Variants in PTPRM observed in about 807,000 individuals in gnomAD.
The protein encoded by PTPRM is receptor-type tyrosine-protein phosphatase mu.
A neutral mutation model predicts 186.7 loss-of-function variants in PTPRM; 47 were observed. The observed-to-expected ratio is 0.25, with a 90% CI of 0.20 to 0.32. The LOEUF is 0.32. PTPRM is among the 10% of genes least tolerant of loss of function. The pLI is 1.00. For synonymous variants in PTPRM, 668 were observed against 674.9 expected, an observed-to-expected ratio of 0.99 and a Z score of 0.16; for missense variants, 1,494 against 1,865.0, an observed-to-expected ratio of 0.80 and a Z score of 3.66.
chr18:7,904,516 G>A (rs942968544), intron 3 of PTPRM, among the ~76,000 whole-genome samples: 2 of 152,150 alleles, frequency 1.3e-5, no homozygotes, highest in Non-Finnish European at 2.9e-5. Context: ...GAATCATAGA[G>A]TACATGATCT....
At chr18:8,164,095 T>G (rs914428485) in intron 14 of PTPRM, among the ~76,000 whole-genome samples, 1 of 152,176 alleles carries the variant, frequency 6.6e-6, no homozygotes, top group Non-Finnish European at 1.5e-5. Flanking sequence ...CTAAGAAGAA[T>G]AGAAGAAAAG....
intron 2 of PTPRM, among the ~76,000 whole-genome samples, chr18:7,800,239 A>G (rs79844174): frequency 0.032 from 4,902 of 152,224 alleles, 299 homozygotes; most frequent in African/African-American, 0.11. Context: ...GCGCTGCCCA[A>G]TGTCATTTTT....
intron 29 of PTPRM, among the ~76,000 whole-genome samples, chr18:8,383,876 G>T (rs1206300425): frequency 9.9e-5 from 15 of 152,204 alleles, no homozygotes; most frequent in Non-Finnish European, 8.8e-5. Flanking sequence ...TAGCCATCTT[G>T]AGTACCTTAC....
intron 1 of PTPRM, among the ~76,000 whole-genome samples, chr18:7,739,651 C>G (rs367790223): frequency 6.0e-4 from 91 of 152,282 alleles, no homozygotes; most frequent in African/African-American, 2.1e-3. Flanking sequence ...CCTAGTTTGT[C>G]TAGTTTGTCT....
At chr18:7,651,990 C>G (rs11932851) in intron 1 of PTPRM, among the ~76,000 whole-genome samples, 1 of 152,136 alleles carries the variant, frequency 6.6e-6, no homozygotes, top group Non-Finnish European at 1.5e-5. Context: ...AGAAAATTTT[C>G]GCAACCTACT....
rs968719668 is a variant in PTPRM, at chr18:7,733,363, G to A, written c.74-40786G>A. On this transcript the variant is annotated intron_variant, in intron 1 of 32. Transcript: ENST00000580170. ...TTTGGTTTTCTGATCCTGTTAGTTT[G>A]CTGAGAATGATGGCTTCCAGCTTCA... Among the ~76,000 whole-genome samples, 4 of 152,062 alleles carry A rather than the reference G, an allele frequency of 2.6e-5. No individual in the cohort carries two copies. The East Asian group carries it at 7.8e-4, about 30-fold the overall frequency.
intron 1 of PTPRM, among the ~76,000 whole-genome samples, chr18:7,599,786 G>A (rs2037353488): frequency 6.6e-6 from 1 of 152,156 alleles, no homozygotes; most frequent in East Asian, 1.9e-4. Flanking sequence ...AGCTGTTCTT[G>A]GCCTCCCTTC....
chr18:7,850,806 T>G (rs2046824123), intron 2 of PTPRM, among the ~76,000 whole-genome samples: 1 of 152,212 alleles, frequency 6.6e-6, no homozygotes, highest in African/African-American at 2.4e-5. Flanking sequence ...CTACAAGTTT[T>G]TATTTCCAGT....
At chr18:8,286,112 A>G (rs78573597) in intron 19 of PTPRM, among the ~76,000 whole-genome samples, 1,917 of 152,354 alleles carry the variant, frequency 0.013, 33 homozygotes, top group African/African-American at 0.042. Flanking sequence ...CTGAAGGTGT[A>G]CATGAGTGAC....
intron 2 of PTPRM, among the ~76,000 whole-genome samples, chr18:7,783,641 A>G (rs546974135): frequency 1.3e-5 from 2 of 152,002 alleles, no homozygotes; most frequent in African/African-American, 4.8e-5. Flanking sequence ...GCGTGATCAT[A>G]GCTCACTGCA....
At position 7,764,689 on chromosome 18, in the gene PTPRM, G is replaced by A. The variant is rs146301779; in HGVS notation, c.74-9460G>A. On this transcript the variant is annotated intron_variant, in intron 1 of 32. Transcript: ENST00000580170. ...AATTTGCATTTCTGAGTTCCTAGGT[G>A]ATGGTGGCTTGTCCAGGGACCCACT... Among the ~76,000 whole-genome samples the A allele has an allele frequency of 4.4e-4, 67 of 152,332 alleles. 1 individual carries two copies. The East Asian group carries it at 0.012, about 27-fold the overall frequency.
chr18:7,772,403 C>CT (rs1395203230), intron 1 of PTPRM, among the ~76,000 whole-genome samples: 38 of 97,450 alleles, frequency 3.9e-4, no homozygotes, highest in African/African-American at 1.1e-3. Flanking sequence ...TTCTTTCTTT[C>CT]TTTCTTTCTT....
intron 2 of PTPRM, among the ~76,000 whole-genome samples, chr18:7,783,264 T>C (rs1300629593): frequency 6.6e-6 from 1 of 152,162 alleles, no homozygotes; most frequent in Non-Finnish European, 1.5e-5. Context: ...GAGGATTCAC[T>C]CAGCTCTCAC....
chr18:8,111,441 C>T (rs1360171633), intron 11 of PTPRM, among the ~76,000 whole-genome samples: 3 of 152,164 alleles, frequency 2.0e-5, no homozygotes, highest in East Asian at 3.9e-4. Flanking sequence ...AACCCCGTCT[C>T]TACTAAAAAT....
At chr18:8,389,486 G>T (rs2095797967) in intron 31 of PTPRM, among the ~76,000 whole-genome samples, 1 of 152,178 alleles carries the variant, frequency 6.6e-6, no homozygotes, top group Admixed American at 6.5e-5. Context: ...GACGGTGGGA[G>T]GCATCCGTTG....
chr18:8,308,970 C>G (rs919165336), intron 20 of PTPRM, among the ~76,000 whole-genome samples: 6 of 152,054 alleles, frequency 3.9e-5, no homozygotes, highest in African/African-American at 1.2e-4. Flanking sequence ...CTGTGTATTG[C>G]TTTTTTTGTT....
intron 5 of PTPRM, among the ~76,000 whole-genome samples, chr18:7,944,821 T>A (rs115089465): frequency 1.6e-4 from 24 of 152,338 alleles, no homozygotes; most frequent in African/African-American, 5.8e-4. Flanking sequence ...CTGTGCATCC[T>A]GAAGCCTGGG....
intron 1 of PTPRM, among the ~76,000 whole-genome samples, chr18:7,764,389 C>G (rs1006832293): frequency 1.3e-5 from 2 of 152,138 alleles, no homozygotes; most frequent in South Asian, 4.1e-4. Flanking sequence ...GATGGTTATA[C>G]CTTTTTAAGA....
chr18:8,026,277 G>A (rs2148012757), intron 7 of PTPRM, among the ~76,000 whole-genome samples: 1 of 152,288 alleles, frequency 6.6e-6, no homozygotes, highest in Non-Finnish European at 1.5e-5. Flanking sequence ...GAAGCAGGTG[G>A]TATCAAACAC....
Sources: gnomAD v4.1 joint callset for allele counts (sites outside exome capture counted in the v4.1 genomes callset) on GRCh38, gnomAD v4.1.1 for gene constraint, MANE v1.5 for transcripts, NCBI Gene and HGNC (gene_info 2026-07-23, HGNC 2026-07-21) for gene names.